RYR1: variants seen among roughly 807,000 people sequenced by gnomAD.
RYR1 encodes ryanodine receptor 1, also known as central core disease of muscle.
Under a neutral mutation model 583.5 loss-of-function variants are expected in RYR1, and 342 were observed. The observed-to-expected ratio is 0.59, with a 90% CI of 0.54 to 0.64. RYR1 has a LOEUF of 0.64. Ranked by LOEUF, RYR1 falls within the 30% of genes least tolerant of loss-of-function variation. The probability of loss-of-function intolerance (pLI) is 0.00; values close to 1 mark genes in which losing one functional copy is unlikely to be tolerated. For synonymous variants in RYR1, 2,791 were observed against 2,822.5 expected, an observed-to-expected ratio of 0.99 and a Z score of 0.35; for missense variants, 6,032 against 6,917.2, an observed-to-expected ratio of 0.87 and a Z score of 4.54.
intron 16 of RYR1, among the ~76,000 whole-genome samples, chr19:38,457,121 A>T (rs1967453245): frequency 1.4e-5 from 2 of 147,950 alleles, no homozygotes; most frequent in South Asian, 4.3e-4. Flanking sequence ...TACATTTTCC[A>T]CTTGGCCCCT....
At chr19:38,537,018 A>G (rs1972001695) in intron 83 of RYR1, 1 of 589,686 alleles carries the variant, frequency 1.7e-6, no homozygotes, top group Non-Finnish European at 3.0e-6. Context: ...CACTTTCCCC[A>G]TGTGTGAAGC....
At position 38,494,536 on chromosome 19, in the gene RYR1, G is replaced by A. The variant is rs769989177; in HGVS notation, c.6459G>A (p.Met2153Ile). Residue 2153 changes from methionine (M) to isoleucine (I), a missense_variant, in exon 39 of 106, where the codon ATG becomes ATA. Physicochemically the swap from Met to Ile is conservative, Grantham distance 10 (BLOSUM62 1). Transcript: ENST00000359596. ...CACCGTCCTCCGTGGAAGACACCAT[G>A]AGCCTGCTCGAGTGCCTCGGCCAGA... is the stretch of plus-strand genomic sequence containing the variant. ...TISPSSVEDTMSLLECLGQIR... is the reference protein window; with the variant it reads ...TISPSSVEDTISLLECLGQIR... The A allele has an allele frequency of 1.9e-6, 3 of 1,614,020 alleles. No individual in the cohort carries two copies. The highest frequency in any genetic ancestry group is 2.5e-6 in the Non-Finnish European group (3 of 1,180,040).
intron 31 of RYR1, among the ~76,000 whole-genome samples, chr19:38,478,854 G>A (rs962900287): frequency 6.6e-6 from 1 of 152,118 alleles, no homozygotes; most frequent in Admixed American, 6.6e-5. Flanking sequence ...TGCAACCTTC[G>A]CCTCCTGGGT....
At chr19:38,551,025 C>CTTCTTTTTTT (rs1972642152) in intron 89 of RYR1, among the ~76,000 whole-genome samples, 1 of 41,312 alleles carries the variant, frequency 2.4e-5, no homozygotes, top group African/African-American at 8.5e-5. Flanking sequence ...GGATTCACGG[C>CTTCTTTTTTT]TTTTTTTTTT....
rs1282555236 is a variant in RYR1 at position 38,583,228 on chromosome 19, C to T, written c.14647-1715C>T. Among the ~76,000 whole-genome samples, 5 of 147,770 alleles carry T rather than the reference C, an allele frequency of 3.4e-5. No individual in the cohort carries two copies. The South Asian group carries it at 6.4e-4, about 19-fold the overall frequency. ...AGGAGAATCTCTTGAACCCCGGAGG[C>T]GGAGGTTGCAGTGAGCCGAGATCAC... is the stretch of plus-strand genomic sequence containing the variant. On this transcript the variant is annotated intron_variant, in intron 101 of 105. Transcript: ENST00000359596.
intron 64 of RYR1, 29 bp downstream of exon 64, chr19:38,515,136 TG>T: frequency 3.1e-6 from 3 of 972,548 alleles, no homozygotes; most frequent in Non-Finnish European, 4.5e-6. Context: ...CGTTTGGGGC[TG>T]GGTGGGGCTG....
chr19:38,586,669 T>C, intron 105 of RYR1, 93 bp downstream of exon 105: 1 of 1,247,442 alleles, frequency 8.0e-7, no homozygotes, highest in Non-Finnish European at 1.2e-6. Flanking sequence ...CTCCTATCAA[T>C]ATCAAGGGTT....
intron 16 of RYR1, among the ~76,000 whole-genome samples, chr19:38,456,147 T>TA (rs1491111419): frequency 5.4e-5 from 1 of 18,590 alleles, no homozygotes; most frequent in Non-Finnish European, 1.5e-4. Context: ...AATTTTTGTA[T>TA]TTTTTTTTTA....
intron 96 of RYR1, 80 bp downstream of exon 96, chr19:38,573,387 A>C (rs147390071): frequency 1.3e-6 from 2 of 1,547,158 alleles, no homozygotes; most frequent in Non-Finnish European, 1.8e-6. Context: ...GACCCCAAAA[A>C]ACTAGGGTTT....
chr19:38,586,656 A>G (rs1437324523), intron 105 of RYR1, 80 bp downstream of exon 105: 12 of 1,350,792 alleles, frequency 8.9e-6, no homozygotes, highest in Non-Finnish European at 1.3e-5. Flanking sequence ...TGGCAGTAAA[A>G]AGCTCCTATC....
chr19:38,485,295 A>C (rs1969224871), intron 33 of RYR1, among the ~76,000 whole-genome samples: 1 of 151,494 alleles, frequency 6.6e-6, no homozygotes, highest in South Asian at 2.1e-4. Context: ...CCATTGAAAG[A>C]CTCCTAGACC....
intron 63 of RYR1, among the ~76,000 whole-genome samples, chr19:38,514,103 T>TAA (rs1970845652): frequency 6.6e-6 from 1 of 151,994 alleles, no homozygotes; most frequent in Admixed American, 6.6e-5. Context: ...CATGATGAGC[T>TAA]TCTTAACTTG....
chr19:38,574,543 G>T (rs1973871446), intron 96 of RYR1, among the ~76,000 whole-genome samples: 2 of 151,902 alleles, frequency 1.3e-5, no homozygotes, highest in South Asian at 4.2e-4. Context: ...GAGGCTGGAG[G>T]ATGGCGTGAG....
chr19:38,455,683 A>C lies in RYR1; in HGVS notation c.1723A>C (p.Asn575His). 6.2e-7 allele frequency: 1 copy of C among 1,613,930 alleles called. No homozygotes were observed. Among genetic ancestry groups the C allele is most frequent in the Non-Finnish European group, 8.5e-7 (1 of 1,179,918 alleles). ...CCTCATTGAGAGTCCAGAGGTTCTG[A>C]ACATCATCCAGGAGAATCACATCAA... ...CVLIESPEVL[N>H]IIQENHIKSI... is the part of the protein sequence containing the mutation. The change falls in exon 16 of 106, where the codon AAC becomes CAC. Residue 575 changes from asparagine to histidine, a missense_variant. Asn to His is a moderately conservative substitution (Grantham distance 68, BLOSUM62 1). Coordinates refer to ENST00000359596, the MANE Select transcript of RYR1 (RefSeq NM_000540.3).
At chr19:38,536,158 C>A in intron 82 of RYR1, 88 bp downstream of exon 82, 2 of 1,198,168 alleles carry the variant, frequency 1.7e-6, no homozygotes, top group Non-Finnish European at 2.3e-6. Context: ...TTGCCCAGAG[C>A]TCCCTTCCTC....
intron 13 of RYR1, among the ~76,000 whole-genome samples, 155 bp downstream of exon 13, chr19:38,453,169 C>G (rs1455556246): frequency 2.7e-5 from 4 of 150,594 alleles, no homozygotes; most frequent in Admixed American, 6.6e-5. Context: ...CGGACAGGAA[C>G]CCCAGCCAGT....
At position 38,574,208 on chromosome 19, in the gene RYR1, C is replaced by T. The variant is rs113939701; in HGVS notation, c.14129+901C>T. Among the ~76,000 whole-genome samples, 6 of 143,304 alleles carry T rather than the reference C, an allele frequency of 4.2e-5. 1 individual carries two copies. Among genetic ancestry groups the T allele is most frequent in the Admixed American group, 1.5e-4 (2 of 13,474 alleles). 94.0% of individuals were successfully genotyped at this position (143,304 alleles called of 152,430 possible). A position where few individuals can be genotyped will look rare whatever the true frequency, so the allele number is the denominator to read the frequency against. ...CTGCGAGGTGGAGGTTGCAGTGAGC[C>T]GAGATTGTGCCTCTGCACTCCAGCC... On this transcript the variant is annotated intron_variant, in intron 96 of 105. Transcript: ENST00000359596.
In RYR1 at chr19:38,467,885, C is replaced by T; in HGVS notation, c.3381+73C>T. 3 of 1,458,980 alleles carry T rather than the reference C, an allele frequency of 2.1e-6. No homozygotes were observed. The South Asian group carries it at 3.5e-5, about 17-fold the overall frequency. The allele number at this position is 1,458,980 out of a possible 1,614,324, so 90.4% of individuals were successfully genotyped here. ...CACAGCTTGTCTACTCTGGCCCTGC[C>T]TCTGTCTGTGCCTCACTCTGTCCCC... On this transcript the variant is annotated intron_variant, in intron 25 of 105. Transcript: ENST00000359596.
intron 89 of RYR1, among the ~76,000 whole-genome samples, chr19:38,554,852 AATTTT>A (rs1972814613): frequency 6.6e-6 from 1 of 152,080 alleles, no homozygotes; most frequent in African/African-American, 2.4e-5. Flanking sequence ...CCTATCTGCA[AATTTT>A]ATTTGTCTCT....
Sources: allele counts gnomAD v4.1 joint callset (sites outside exome capture counted in the v4.1 genomes callset), GRCh38; gene constraint gnomAD v4.1.1; transcripts MANE v1.5; gene names NCBI Gene and HGNC (gene_info 2026-07-23, HGNC 2026-07-21).